KCNC2: variants seen among roughly 807,000 people sequenced by gnomAD.
KCNC2 encodes potassium voltage-gated channel subfamily C member 2.
KCNC2 carries 21 observed loss-of-function variants against 44.5 expected under a neutral mutation model. The ratio of observed to expected loss-of-function variants is 0.47; its 90% CI spans 0.33 to 0.68. The LOEUF is 0.68. Among genes scored for constraint, KCNC2 ranks in the 30% least tolerant of loss-of-function variants. The probability of loss-of-function intolerance (pLI) is 0.01; values close to 1 mark genes in which losing one functional copy is unlikely to be tolerated. For synonymous variants in KCNC2, 391 were observed against 339.1 expected (o/e 1.15, Z -1.68); for missense variants, 589 against 826.2 (o/e 0.71, Z 3.52).
intron 2 of KCNC2, among the ~76,000 whole-genome samples, chr12:75,061,705 G>A (rs1351253945): frequency 1.3e-5 from 2 of 151,916 alleles, no homozygotes; most frequent in African/African-American, 2.4e-5. Context: ...GGGCTTAACA[G>A]TGAGTCCTAA....
chr12:75,107,998 A>C (rs964802971), intron 2 of KCNC2, among the ~76,000 whole-genome samples: 2 of 152,220 alleles, frequency 1.3e-5, no homozygotes, highest in Non-Finnish European at 2.9e-5. Flanking sequence ...AGTGTTTAAA[A>C]ATAAAAAGTC....
intron 2 of KCNC2, among the ~76,000 whole-genome samples, chr12:75,196,843 T>C (rs779656067): frequency 3.9e-5 from 6 of 152,098 alleles, no homozygotes; most frequent in Non-Finnish European, 2.9e-5. Context: ...TCCAAATTCT[T>C]CCATCCATGA....
In KCNC2 at chr12:75,042,628, A is replaced by C. The variant is rs1001934438; in HGVS notation, c.*477T>G. 4.0e-6 allele frequency: 5 copies of C among 1,257,150 alleles called. No homozygotes were observed. The African/African-American group carries it at 7.7e-5, about 19-fold the overall frequency. 77.9% of individuals were successfully genotyped at this position (1,257,150 alleles called of 1,614,324 possible). ...ATCCACAGTCCCCGAACTCTGCAAC[A>C]TTGCTTTCAGGTGATAGAGACAAGA... On this transcript the variant is annotated 3_prime_UTR_variant, in exon 5 of 5. Coordinates refer to ENST00000549446, the MANE Select transcript of KCNC2 (RefSeq NM_139137.4).
chr12:75,202,982 C>T (rs757772250), intron 2 of KCNC2, among the ~76,000 whole-genome samples: 1 of 151,538 alleles, frequency 6.6e-6, no homozygotes, highest in African/African-American at 2.4e-5. Context: ...AGTTTTCAGT[C>T]TACAGTGACT....
At chr12:75,048,580 C>T (rs1013878083) in intron 3 of KCNC2, among the ~76,000 whole-genome samples, 4 of 152,072 alleles carry the variant, frequency 2.6e-5, no homozygotes, top group South Asian at 2.1e-4. Context: ...GCCTTTCACA[C>T]GACTAATATG....
chr12:75,097,653 A>G (rs1051827508), intron 2 of KCNC2, among the ~76,000 whole-genome samples: 1 of 152,160 alleles, frequency 6.6e-6, no homozygotes, highest in Admixed American at 6.6e-5. Flanking sequence ...AGACAAAAGT[A>G]TACTAGTGAA....
intron 2 of KCNC2, among the ~76,000 whole-genome samples, chr12:75,105,476 GTGTT>G (rs1886710115): frequency 6.6e-6 from 1 of 152,112 alleles, no homozygotes; most frequent in African/African-American, 2.4e-5. Context: ...GGTGAAGGAT[GTGTT>G]TGTTTAAGAA....
chr12:75,187,980 T>G (rs1235208136), intron 2 of KCNC2, among the ~76,000 whole-genome samples: 1 of 152,162 alleles, frequency 6.6e-6, no homozygotes. Flanking sequence ...GAACAGACTA[T>G]CAACATGCAA....
chr12:75,145,252 T>A (rs1183027765), intron 2 of KCNC2, among the ~76,000 whole-genome samples: 2 of 152,172 alleles, frequency 1.3e-5, no homozygotes, highest in Non-Finnish European at 2.9e-5. Context: ...TGTATGAAAT[T>A]TCAGGAGATT....
At chr12:75,146,240 C>A (rs539040976) in intron 2 of KCNC2, among the ~76,000 whole-genome samples, 1 of 152,244 alleles carries the variant, frequency 6.6e-6, no homozygotes, top group South Asian at 2.1e-4. Context: ...AGGCAACAAC[C>A]TTACTGACTT....
chr12:75,148,318 C>T (rs1195306786), intron 2 of KCNC2, among the ~76,000 whole-genome samples: 1 of 152,030 alleles, frequency 6.6e-6, no homozygotes, highest in African/African-American at 2.4e-5. Flanking sequence ...CAACCATAAG[C>T]TCTTCCATGG....
intron 2 of KCNC2, among the ~76,000 whole-genome samples, chr12:75,173,237 G>A (rs1341978211): frequency 6.6e-6 from 1 of 151,864 alleles, no homozygotes; most frequent in African/African-American, 2.4e-5. Context: ...GATTGTATTA[G>A]ATTAGTTAAA....
chr12:75,157,457 G>A (rs946060474), intron 2 of KCNC2, among the ~76,000 whole-genome samples: 2 of 151,880 alleles, frequency 1.3e-5, no homozygotes, highest in Non-Finnish European at 2.9e-5. Flanking sequence ...CCCTTGCTTT[G>A]TCTTTTGGTT....
chr12:75,139,943 G>A (rs985260252), intron 2 of KCNC2, among the ~76,000 whole-genome samples: 1 of 152,108 alleles, frequency 6.6e-6, no homozygotes, highest in Non-Finnish European at 1.5e-5. Context: ...CTTGATAGGG[G>A]CATCAAAGGG....
intron 2 of KCNC2, among the ~76,000 whole-genome samples, chr12:75,080,071 T>A (rs1884347825): frequency 6.6e-6 from 1 of 152,158 alleles, no homozygotes. Context: ...AGTTTAATAT[T>A]ACAGAAAAAT....
At chr12:75,169,842 C>A (rs114983827) in intron 2 of KCNC2, among the ~76,000 whole-genome samples, 20 of 151,768 alleles carry the variant, frequency 1.3e-4, no homozygotes, top group Admixed American at 1.1e-3. Flanking sequence ...AATCTCTTAT[C>A]CTTTCACAGG....
intron 2 of KCNC2, among the ~76,000 whole-genome samples, chr12:75,059,437 C>A (rs1882087982): frequency 6.6e-6 from 1 of 152,088 alleles, no homozygotes; most frequent in African/African-American, 2.4e-5. Flanking sequence ...GGTCTCTCAA[C>A]TCATTGAATG....
At chr12:75,151,902 G>C (rs1475319597) in intron 2 of KCNC2, among the ~76,000 whole-genome samples, 1 of 139,018 alleles carries the variant, frequency 7.2e-6, no homozygotes, top group Non-Finnish European at 1.5e-5. Context: ...GGGTCAAAGA[G>C]AAAGTCTAAT....
chr12:75,110,655 T>C (rs1281038568), intron 2 of KCNC2, among the ~76,000 whole-genome samples: 2 of 152,130 alleles, frequency 1.3e-5, no homozygotes, highest in East Asian at 1.9e-4. Context: ...ATGATCTCCA[T>C]GAAGGGGATA....
Sources: gnomAD v4.1 joint callset for allele counts (sites outside exome capture counted in the v4.1 genomes callset) on GRCh38, gnomAD v4.1.1 for gene constraint, MANE v1.5 for transcripts, NCBI Gene and HGNC (gene_info 2026-07-23, HGNC 2026-07-21) for gene names.